The following RGS6 variants were observed in gnomAD, a reference collection of about 807,000 sequenced individuals.
RGS6 encodes the protein regulator of G protein signaling 6.
In RGS6, 30 loss-of-function variants were observed where a neutral mutation model predicts 78.5. The observed-to-expected ratio is 0.38, with a 90% CI of 0.29 to 0.52. The LOEUF (loss-of-function observed/expected upper bound fraction) is 0.52. Ranked by LOEUF, RGS6 falls within the 20% of genes least tolerant of loss-of-function variation. The pLI is 0.85. For synonymous variants in RGS6, 206 were observed against 206.0 expected, an observed-to-expected ratio of 1.00 and a Z score of 0.00; for missense variants, 495 against 609.7, an observed-to-expected ratio of 0.81 and a Z score of 1.98.
intron 2 of RGS6, among the ~76,000 whole-genome samples, chr14:72,173,693 A>T (rs1030775879): frequency 1.3e-5 from 2 of 152,172 alleles, no homozygotes; most frequent in Non-Finnish European, 2.9e-5. Flanking sequence ...TGTGAATTCT[A>T]TTTAAAAATA....
In RGS6 at chr14:72,478,676, A is replaced by T. The variant is rs539675833; in HGVS notation, c.854+347A>T. ...CCCCTTTCAGCTATAAAATGCCCAG[A>T]TTCACTTTATAGGGGAAAAGAAATT... On this transcript the variant is annotated intron_variant, in intron 12 of 17. Transcript: ENST00000553525. 2.6e-5 allele frequency among the ~76,000 whole-genome samples: 4 copies of T among 152,344 alleles called. No individual in the cohort carries two copies. In the East Asian group the frequency reaches 7.7e-4, roughly 29 times the overall value.
In RGS6 at chr14:72,548,432, TA is replaced by T. The variant is rs879485387; in HGVS notation, c.1422+8350del. The stretch of plus-strand genomic sequence containing the variant: ...TGTAGCCTTTCCTAAAAATCAAGTT[TA>T]AAAAAAAAAAATTTCTTGGGTTGTA... On this transcript the variant is annotated intron_variant, in intron 17 of 17. Coordinates refer to ENST00000553525, the MANE Select transcript of RGS6 (RefSeq NM_001204424.2). 4.2e-3 allele frequency among the ~76,000 whole-genome samples: 614 copies of T among 146,514 alleles called. 2 individuals are homozygous for T. Among genetic ancestry groups the T allele is most frequent in the South Asian group, 7.8e-3 (36 of 4,620 alleles).
intron 2 of RGS6, among the ~76,000 whole-genome samples, chr14:72,213,069 TC>T (rs2044580389): frequency 6.6e-6 from 1 of 152,128 alleles, no homozygotes; most frequent in Non-Finnish European, 1.5e-5. Flanking sequence ...AGACCAGCAT[TC>T]CCCTGGGTTA....
At chr14:72,521,767 T>A (rs1368664858) in intron 15 of RGS6, among the ~76,000 whole-genome samples, 1 of 152,186 alleles carries the variant, frequency 6.6e-6, no homozygotes, top group Non-Finnish European at 1.5e-5. Context: ...TCCCTGAGTC[T>A]TCCTTTCCTC....
At chr14:72,099,685 C>T (rs1162694459) in intron 2 of RGS6, among the ~76,000 whole-genome samples, 2 of 152,212 alleles carry the variant, frequency 1.3e-5, no homozygotes, top group Non-Finnish European at 2.9e-5. Context: ...TGTATTCAGA[C>T]AGCTCTGCTG....
the RGS6 span, among the ~76,000 whole-genome samples, chr14:71,920,757 T>C: frequency 6.6e-6 from 1 of 152,342 alleles, no homozygotes. Context: ...GGAAATACTT[T>C]TGTCTTACTA....
chr14:72,483,563 G>A (rs1264103860), intron 12 of RGS6, among the ~76,000 whole-genome samples: 2 of 152,130 alleles, frequency 1.3e-5, no homozygotes, highest in African/African-American at 4.8e-5. Context: ...AAACCTGCTA[G>A]GGTGATAGAG....
At chr14:72,501,441 A>C (rs1193048670) in intron 13 of RGS6, among the ~76,000 whole-genome samples, 1 of 152,204 alleles carries the variant, frequency 6.6e-6, no homozygotes, top group Non-Finnish European at 1.5e-5. Context: ...ACTACACCTC[A>C]AGTTTATGCA....
intron 12 of RGS6, among the ~76,000 whole-genome samples, chr14:72,486,306 C>T (rs1566961108): frequency 6.6e-6 from 1 of 152,216 alleles, no homozygotes; most frequent in Non-Finnish European, 1.5e-5. Flanking sequence ...CAAGCTTCTA[C>T]TGCTGAAGCT....
At chr14:72,576,517 C>T in the RGS6 span, among the ~76,000 whole-genome samples, 1 of 152,198 alleles carries the variant, frequency 6.6e-6, no homozygotes, top group Non-Finnish European at 1.5e-5. Flanking sequence ...CTTTCAACAC[C>T]TTGAAACATA....
rs139862309 is a variant in RGS6, at chr14:72,330,065, C to T, written c.85-22030C>T. Among the ~76,000 whole-genome samples the T allele has an allele frequency of 7.5e-3, 1,141 of 152,364 alleles. 17 individuals are homozygous for T. Among genetic ancestry groups the T allele is most frequent in the African/African-American group, 0.024 (1,012 of 41,580 alleles). ...CACCCAACAGCAGGTTCACAGTCAA[C>T]GTTAGTGAGGGACCGAGATTGTAGA... On this transcript the variant is annotated intron_variant, in intron 2 of 17. Transcript: ENST00000553525.
chr14:72,393,650 A>G (rs972450338), intron 3 of RGS6, among the ~76,000 whole-genome samples: 1 of 152,208 alleles, frequency 6.6e-6, no homozygotes, highest in Non-Finnish European at 1.5e-5. Flanking sequence ...TTAAAACTGC[A>G]TACTCTACTG....
chr14:72,166,093 GAC>G (rs3055029), intron 2 of RGS6, among the ~76,000 whole-genome samples: 21,815 of 107,464 alleles, frequency 0.2, 1,588 homozygotes, highest in Admixed American at 0.29. Flanking sequence ...CCATTTTTGA[GAC>G]ACACACACAC....
At chr14:72,013,812 C>G (rs939796597) in intron 2 of RGS6, among the ~76,000 whole-genome samples, 3 of 143,148 alleles carry the variant, frequency 2.1e-5, no homozygotes, top group Admixed American at 1.4e-4. Context: ...CTGGGGCCTT[C>G]AGGCTTTTCT....
chr14:72,608,812 T>C, the RGS6 span, among the ~76,000 whole-genome samples: 3 of 152,262 alleles, frequency 2.0e-5, no homozygotes, highest in African/African-American at 7.2e-5. Context: ...GACCTGGAAT[T>C]TGTTGCTCCT....
intron 2 of RGS6, among the ~76,000 whole-genome samples, chr14:72,093,729 TG>T (rs1480124377): frequency 2.6e-5 from 4 of 152,198 alleles, no homozygotes; most frequent in African/African-American, 9.6e-5. Context: ...GTTGCTGTCA[TG>T]GTCATTGCAA....
intron 2 of RGS6, among the ~76,000 whole-genome samples, chr14:72,199,146 A>G (rs182803883): frequency 1.4e-4 from 22 of 152,334 alleles, no homozygotes; most frequent in Admixed American, 5.9e-4. Flanking sequence ...AATGATGTGT[A>G]TACACAAAGT....
chr14:71,867,854 C>T, the RGS6 span, among the ~76,000 whole-genome samples: 1 of 152,016 alleles, frequency 6.6e-6, no homozygotes, highest in East Asian at 1.9e-4. Context: ...CACCAAGGAG[C>T]AAGGAGCCAA....
At chr14:72,250,975 A>G (rs550404389) in intron 2 of RGS6, among the ~76,000 whole-genome samples, 3 of 152,360 alleles carry the variant, frequency 2.0e-5, no homozygotes, top group African/African-American at 7.2e-5. Context: ...AAGCCATACA[A>G]AAAAATGAGG....
Sources: gnomAD v4.1 joint callset for allele counts (sites outside exome capture counted in the v4.1 genomes callset) on GRCh38, gnomAD v4.1.1 for gene constraint, MANE v1.5 for transcripts, NCBI Gene and HGNC (gene_info 2026-07-23, HGNC 2026-07-21) for gene names.